ZNF280A: variants seen among roughly 807,000 people sequenced by gnomAD.
ZNF280A encodes suppressor of hairy wing homolog 1.
ZNF280A carries 26 observed loss-of-function variants against 35.9 expected under a neutral mutation model. The ratio of observed to expected loss-of-function variants is 0.72; its 90% confidence interval spans 0.53 to 1.01. ZNF280A has a LOEUF of 1.01. ZNF280A is among the 50% of genes least tolerant of loss of function. The pLI is 0.00. For missense variants in ZNF280A, 654 were observed against 652.0 expected (o/e 1.00, Z -0.03); for synonymous variants, 231 against 232.9 (o/e 0.99, Z 0.07).
Position 22,515,485 on chromosome 22 carries a change from A to T in ZNF280A, c.146T>A (p.Val49Asp), listed in dbSNP as rs2062059128. Reference sequence around the variant, plus strand: ...TGGTTTTGAATTTGAAATCATCCCGACAAAGAGAACTTCAGCATCTCTATG... The same window carrying T: ...TGGTTTTGAATTTGAAATCATCCCGTCAAAGAGAACTTCAGCATCTCTATG... ...HVHRDAEVLF[V>D]GMISNSKPVV... The change falls in exon 2 of 2, where the codon GTC (valine) becomes GAC (aspartate). Residue 49 changes from valine to aspartate, a missense_variant. Physicochemically the swap from Val to Asp is radical, Grantham distance 152. Transcript: ENST00000302097. 9 of 1,613,886 alleles carry T rather than the reference A, an allele frequency of 5.6e-6. No individual in the cohort carries two copies. Among genetic ancestry groups the T allele is most frequent in the Non-Finnish European group, 7.6e-6 (9 of 1,179,976 alleles).
rs766881418 is a variant in ZNF280A, at chr22:22,514,499, C to A, written c.1132G>T (p.Val378Phe). 3.7e-6 allele frequency: 6 copies of A among 1,613,796 alleles called. No individual in the cohort carries two copies. The highest frequency in any genetic ancestry group is 1.3e-5 in the African/African-American group (1 of 74,854). ...TGGTCCTTCATGTGTTGTAAGAGGA[C>A]CTGATCTGTTTCAAATGACAATTCA... is the stretch of plus-strand genomic sequence containing the variant. ...ICELSFETDQ[V>F]LLQHMKDHHK... Residue 378 changes from valine (V) to phenylalanine (F), a missense_variant, in exon 2 of 2, where the codon GTC (valine) becomes TTC (phenylalanine). By Grantham distance (50) the Val-to-Phe change is conservative (BLOSUM62 -1). Coordinates refer to ENST00000302097, the MANE Select transcript of ZNF280A (RefSeq NM_080740.5).
rs1356522018 is a variant in ZNF280A at position 22,515,560 on chromosome 22, T to A, written c.71A>T (p.Glu24Val). 1 of 1,612,032 alleles carries A rather than the reference T, an allele frequency of 6.2e-7. No homozygotes were observed. Residue 24 changes from glutamate (E) to valine (V), a missense_variant, in exon 2 of 2, where the codon GAG (glutamate) becomes GTG (valine). Transcript: ENST00000302097. The stretch of plus-strand genomic sequence containing the variant: ...CAGATCTGGATCTTCATCATCCTCC[T>A]CCCTTTGTTTGGATTCTCTCAAATT... ...KKNLRESKQR[E>V]EDDEDPDLIY...
chr22:22,516,627 T>G (rs1033401647), intron 1 of ZNF280A, among the ~76,000 whole-genome samples: 12 of 151,868 alleles, frequency 7.9e-5, no homozygotes, highest in African/African-American at 2.2e-4. Flanking sequence ...GCAAGTATAT[T>G]TCGCTCTTAA....
intron 1 of ZNF280A, among the ~76,000 whole-genome samples, chr22:22,517,641 G>A (rs965041694): frequency 6.6e-6 from 1 of 151,852 alleles, no homozygotes; most frequent in Non-Finnish European, 1.5e-5. Flanking sequence ...CTAAGGTATA[G>A]GCTTAGATTT....
Position 22,515,080 on chromosome 22 carries a change from C to A in ZNF280A, c.551G>T (p.Arg184Met), listed in dbSNP as rs758862614. ...NSRDSKRVKL[R>M]DGIPGVPSLA... ...AGAAGGTACCCCTGGGATTCCATCC[C>A]TGAGTTTAACCCTTTTGGAATCTCT... Residue 184 changes from arginine (R) to methionine (M), a missense_variant, in exon 2 of 2, where the codon AGG (arginine) becomes ATG (methionine). Arg to Met is a moderately conservative substitution (Grantham distance 91). Transcript: ENST00000302097. The A allele has an allele frequency of 6.2e-7, 1 of 1,613,880 alleles. No homozygotes were observed. The highest frequency in any genetic ancestry group is 8.5e-7 in the Non-Finnish European group (1 of 1,179,988).
In ZNF280A at chr22:22,515,293, C is replaced by T. The variant is rs200453232; in HGVS notation, c.338G>A (p.Ser113Asn). 8.2e-5 allele frequency: 133 copies of T among 1,613,850 alleles called. No homozygotes were observed. The Middle Eastern group carries it at 1.7e-3, about 20-fold the overall frequency. Reference sequence around the variant, plus strand: ...AGATGAAGACTTCATAGTGACAGGACTATCTGTCGATCGCCCCTCAGACAG... The same window carrying T: ...AGATGAAGACTTCATAGTGACAGGATTATCTGTCGATCGCCCCTCAGACAG... ...VSLSEGRSTD[S>N]PVTMKSSSEP... is the part of the protein sequence containing the mutation. The change falls in exon 2 of 2, where the codon AGT becomes AAT. Residue 113 changes from serine (S) to asparagine (N), a missense_variant. Physicochemically the swap from Ser to Asn is conservative, Grantham distance 46. Coordinates refer to ENST00000302097, the MANE Select transcript of ZNF280A (RefSeq NM_080740.5).
rs140498160 is a variant in ZNF280A, at chr22:22,514,722, G to A, written c.909C>T (p.Cys303=). 4.7e-5 allele frequency: 76 copies of A among 1,613,770 alleles called. No homozygotes were observed. The highest frequency in any genetic ancestry group is 1.6e-4 in the Middle Eastern group (1 of 6,076). ...KTHTTFKCLS[C]VKVLKNIKFM... ...ACTTAATATTTTTTAGAACTTTCACGCAGCTGAGGCATTTAAAGGTGGTGT... is the reference window on the plus strand; with the variant it reads ...ACTTAATATTTTTTAGAACTTTCACACAGCTGAGGCATTTAAAGGTGGTGT... Residue 303 remains cysteine, a synonymous_variant, in exon 2 of 2, where the codon TGC becomes TGT. Coordinates refer to ENST00000302097, the MANE Select transcript of ZNF280A (RefSeq NM_080740.5).
chr22:22,515,131 C>G lies in ZNF280A; in HGVS notation c.500G>C (p.Arg167Pro), dbSNP rs1323811232. The G allele has an allele frequency of 6.2e-7, 1 of 1,613,880 alleles. No homozygotes were observed. The highest frequency in any genetic ancestry group is 1.1e-5 in the South Asian group (1 of 91,072). The change falls in exon 2 of 2, where the codon CGA becomes CCA. Residue 167 changes from arginine (R) to proline (P), a missense_variant. By Grantham distance (103) the Arg-to-Pro change is moderately radical (BLOSUM62 -2). Coordinates refer to ENST00000302097, the MANE Select transcript of ZNF280A (RefSeq NM_080740.5). ...GRNESSPDSK[R>P]LSTSDINSRD... ...GCTGTTTATATCTGAAGTGGAAAGT[C>G]GCTTTGAATCAGGAGAACTCTCATT...
Position 22,514,864 on chromosome 22 carries a change from G to A in ZNF280A, c.767C>T (p.Ser256Leu). ...GGTCTTGTTTTGACTTGCTAGACTT[G>A]AAATGTCTGTCATTGCCAGGGCAGA... ...SESALAMTDI[S>L]SLASQNKTFD... Residue 256 changes from serine to leucine, a missense_variant, in exon 2 of 2, where the codon TCA becomes TTA. By Grantham distance (145) the Ser-to-Leu change is moderately radical. Transcript: ENST00000302097. 6.2e-7 allele frequency: 1 copy of A among 1,613,754 alleles called. No homozygotes were observed. The highest frequency in any genetic ancestry group is 1.7e-5 in the Admixed American group (1 of 59,980).
At chr22:22,518,926 T>G (rs2062107621) in intron 1 of ZNF280A, among the ~76,000 whole-genome samples, 1 of 151,926 alleles carries the variant, frequency 6.6e-6, no homozygotes, top group South Asian at 2.1e-4. Flanking sequence ...GCTTTCACAC[T>G]TCTATGACAC....
At position 22,515,061 on chromosome 22, in the gene ZNF280A, T is replaced by C; in HGVS notation, c.570A>G (p.Val190=). The part of the protein sequence containing the change: ...RVKLRDGIPG[V]PSLAVVPSDM... Reference sequence around the variant, plus strand: ...CTGAAGGGACCACAGCTAAAGAAGGTACCCCTGGGATTCCATCCCTGAGTT... The same window carrying C: ...CTGAAGGGACCACAGCTAAAGAAGGCACCCCTGGGATTCCATCCCTGAGTT... The change falls in exon 2 of 2, where the codon GTA becomes GTG. Residue 190 remains valine (V), a synonymous_variant. Coordinates refer to ENST00000302097, the MANE Select transcript of ZNF280A (RefSeq NM_080740.5). 6.2e-7 allele frequency: 1 copy of C among 1,613,910 alleles called. No individual in the cohort carries two copies. Among genetic ancestry groups the C allele is most frequent in the Non-Finnish European group, 8.5e-7 (1 of 1,179,976 alleles).
chr22:22,516,668 G>A (rs560064619), intron 1 of ZNF280A, among the ~76,000 whole-genome samples: 91 of 151,956 alleles, frequency 6.0e-4, no homozygotes, highest in African/African-American at 2.1e-3. Flanking sequence ...TCATTCATAG[G>A]AAATACCAGC....
intron 1 of ZNF280A, among the ~76,000 whole-genome samples, chr22:22,516,025 G>A (rs2062064911): frequency 6.6e-6 from 1 of 151,642 alleles, no homozygotes; most frequent in South Asian, 2.1e-4. Flanking sequence ...AGATGTCTAA[G>A]GTTTCTAACC....
intron 1 of ZNF280A, among the ~76,000 whole-genome samples, chr22:22,517,694 T>A (rs890796527): frequency 6.6e-6 from 1 of 151,914 alleles, no homozygotes; most frequent in Non-Finnish European, 1.5e-5. Context: ...CATCATAGCA[T>A]CTCATCAATA....
Position 22,514,260 on chromosome 22 carries a change from C to A in ZNF280A, c.1371G>T (p.Arg457=). The change falls in exon 2 of 2, where the codon CGG becomes CGT. Residue 457 remains arginine (R), a synonymous_variant. Transcript: ENST00000302097. ...RRRVLQCSKC[R]LQFLTLKEEI... ...CCTCCTTCAACGTCAAAAACTGTAG[C>A]CGGCACTTGGAACACTGAAGGACCC... 1 of 1,613,884 alleles carries A rather than the reference C, an allele frequency of 6.2e-7. No homozygotes were observed. Among genetic ancestry groups the A allele is most frequent in the Non-Finnish European group, 8.5e-7 (1 of 1,179,976 alleles).
chr22:22,517,691 G>C (rs1194137834), intron 1 of ZNF280A, among the ~76,000 whole-genome samples: 1 of 151,720 alleles, frequency 6.6e-6, no homozygotes, highest in Non-Finnish European at 1.5e-5. Context: ...TCTCATCATA[G>C]CATCTCATCA....
Position 22,514,609 on chromosome 22 carries a change from C to T in ZNF280A, c.1022G>A (p.Arg341Gln), listed in dbSNP as rs763826862. ...EDHTTCQHCHRQFPTPFQLQC... is the reference protein window; with the variant it reads ...EDHTTCQHCHQQFPTPFQLQC... ...TAGCTGGAAGGGAGTGGGAAACTGC[C>T]GGTGGCAGTGCTGGCAGGTGGTGTG... The change falls in exon 2 of 2, where the codon CGG (arginine) becomes CAG (glutamine). Residue 341 changes from arginine to glutamine, a missense_variant. Arg to Gln is a conservative substitution (Grantham distance 43). Transcript: ENST00000302097. The T allele has an allele frequency of 1.1e-5, 18 of 1,613,772 alleles. No individual in the cohort carries two copies. Among genetic ancestry groups the T allele is most frequent in the Admixed American group, 1.7e-5 (1 of 59,954 alleles).
intron 1 of ZNF280A, among the ~76,000 whole-genome samples, chr22:22,517,491 A>G (rs2062085523): frequency 6.6e-6 from 1 of 152,012 alleles, no homozygotes. Flanking sequence ...CAAATGATTT[A>G]ATACTGTTGT....
In ZNF280A at chr22:22,514,244, A is replaced by G. The variant is rs2062041865; in HGVS notation, c.1387T>C (p.Leu463=). 1 of 1,613,692 alleles carries G rather than the reference A, an allele frequency of 6.2e-7. No homozygotes were observed. The highest frequency in any genetic ancestry group is 8.5e-7 in the Non-Finnish European group (1 of 1,179,942). ...CSKCRLQFLT[L]KEEIEHKTKD... ...GTTTTGTGCTCTATTTCCTCCTTCA[A>G]CGTCAAAAACTGTAGCCGGCACTTG... The change falls in exon 2 of 2, where the codon TTG becomes CTG. Residue 463 remains leucine (L), a synonymous_variant. Transcript: ENST00000302097.
Sources: gnomAD v4.1 joint callset for allele counts (sites outside exome capture counted in the v4.1 genomes callset) on GRCh38, gnomAD v4.1.1 for gene constraint, MANE v1.5 for transcripts, NCBI Gene and HGNC (gene_info 2026-07-23, HGNC 2026-07-21) for gene names.